CATSPERE: variants seen among roughly 807,000 people sequenced by gnomAD.
CATSPERE encodes the protein cation channel sperm-associated auxiliary subunit epsilon.
A neutral mutation model predicts 114.1 loss-of-function variants in CATSPERE; 93 were observed. The observed-to-expected ratio is 0.81, with a 90% CI of 0.69 to 0.97. The LOEUF (loss-of-function observed/expected upper bound fraction) is 0.97. CATSPERE is among the 50% of genes least tolerant of loss of function. The probability of loss-of-function intolerance (pLI) is 0.00; values close to 1 mark genes in which losing one functional copy is unlikely to be tolerated. For missense variants in CATSPERE, 1,058 were observed against 1,131.6 expected (o/e 0.93, Z 0.93); for synonymous variants, 341 against 384.1 (o/e 0.89, Z 1.31).
At chr1:244,624,835 A>G (rs1474301079) in intron 20 of CATSPERE, among the ~76,000 whole-genome samples, 1 of 151,922 alleles carries the variant, frequency 6.6e-6, no homozygotes, top group Non-Finnish European at 1.5e-5. Context: ...TTCTTTGCTC[A>G]TGTATGAGAA....
chr1:244,522,710 T>C (rs1677800061), intron 8 of CATSPERE, among the ~76,000 whole-genome samples: 2 of 152,148 alleles, frequency 1.3e-5, no homozygotes, highest in Non-Finnish European at 2.9e-5. Flanking sequence ...CAAACAACTC[T>C]ACGCAAATGA....
At chr1:244,463,599 A>G (rs1667145367) in intron 1 of CATSPERE, among the ~76,000 whole-genome samples, 1 of 151,794 alleles carries the variant, frequency 6.6e-6, no homozygotes, top group Non-Finnish European at 1.5e-5. Flanking sequence ...TTAACTCTTT[A>G]TAAGTGAAGG....
At chr1:244,469,023 A>G (rs1380474091) in intron 2 of CATSPERE, among the ~76,000 whole-genome samples, 1 of 152,184 alleles carries the variant, frequency 6.6e-6, no homozygotes. Context: ...CTCTGTGTAA[A>G]TTGAAACAGT....
chr1:244,532,128 T>A (rs538086155), intron 8 of CATSPERE, among the ~76,000 whole-genome samples: 1 of 152,174 alleles, frequency 6.6e-6, no homozygotes, highest in South Asian at 2.1e-4. Context: ...TTGCTCATAG[T>A]AGCCTCTAAT....
intron 8 of CATSPERE, among the ~76,000 whole-genome samples, chr1:244,526,095 G>C (rs1344082463): frequency 6.6e-6 from 1 of 152,156 alleles, no homozygotes; most frequent in African/African-American, 2.4e-5. Flanking sequence ...GTAGCAAAGA[G>C]GACCTTTTCC....
intron 9 of CATSPERE, among the ~76,000 whole-genome samples, chr1:244,554,458 C>T (rs756024152): frequency 3.3e-5 from 5 of 152,004 alleles, no homozygotes; most frequent in Non-Finnish European, 5.9e-5. Flanking sequence ...TGAGCCTAGG[C>T]GTTAGAGACC....
At chr1:244,451,624 C>G (rs772447439), upstream of CATSPERE, 1 of 1,604,316 alleles carries the variant, frequency 6.2e-7, no homozygotes, top group Non-Finnish European at 8.5e-7. This position sits in a 1 kb window ranked among gnomAD's most constrained non-coding sequence, Gnocchi z 6.6. Flanking sequence ...TGAGAGGCCC[C>G]GTCGCCTCAC....
chr1:244,531,653 C>T (rs547298722), intron 8 of CATSPERE, among the ~76,000 whole-genome samples: 2 of 152,234 alleles, frequency 1.3e-5, no homozygotes, highest in East Asian at 3.9e-4. Flanking sequence ...ATATGTTGAA[C>T]CATCCTTGCA....
chr1:244,539,184 G>C lies in CATSPERE; in HGVS notation c.537-13138G>C, dbSNP rs142934860. On this transcript the variant is annotated intron_variant, in intron 8 of 21. Transcript: ENST00000366534. ...TTTATTGAGAGTTTTTAGCATGAAG[G>C]GTTGTTGAATTTTGTCAAAGGCCTT... Among the ~76,000 whole-genome samples, 570 of 151,858 alleles carry C rather than the reference G, an allele frequency of 3.8e-3. 3 individuals are homozygous for C. The highest frequency in any genetic ancestry group is 0.013 in the African/African-American group (527 of 41,428).
At chr1:244,583,152 A>T (rs1558539552) in intron 12 of CATSPERE, among the ~76,000 whole-genome samples, 1 of 152,114 alleles carries the variant, frequency 6.6e-6, no homozygotes, top group Non-Finnish European at 1.5e-5. Flanking sequence ...ACTAAGATTT[A>T]CATTGCTATA....
intron 17 of CATSPERE, among the ~76,000 whole-genome samples, chr1:244,596,048 C>G (rs565679341): frequency 6.4e-4 from 97 of 152,284 alleles, no homozygotes; most frequent in African/African-American, 2.2e-3. Flanking sequence ...TATTGGTAGT[C>G]CTGGTGAGGT....
chr1:244,470,250 C>T (rs1180318920), intron 2 of CATSPERE, among the ~76,000 whole-genome samples: 1 of 152,182 alleles, frequency 6.6e-6, no homozygotes, highest in Admixed American at 6.5e-5. Context: ...AGACAATTCA[C>T]AGGATGGGAG....
chr1:244,458,541 A>G (rs1666364876), upstream of CATSPERE, among the ~76,000 whole-genome samples: 1 of 152,208 alleles, frequency 6.6e-6, no homozygotes, highest in African/African-American at 2.4e-5. Flanking sequence ...AAAAAAAACA[A>G]ACTTCTAGGA....
intron 13 of CATSPERE, among the ~76,000 whole-genome samples, chr1:244,587,351 T>C (rs779981216): frequency 6.6e-6 from 1 of 152,262 alleles, no homozygotes; most frequent in African/African-American, 2.4e-5. Context: ...TGCATCAGAT[T>C]CTAATGGGAT....
intron 9 of CATSPERE, among the ~76,000 whole-genome samples, chr1:244,553,614 C>T (rs1395629615): frequency 8.3e-5 from 11 of 132,680 alleles, no homozygotes; most frequent in African/African-American, 3.8e-4. Flanking sequence ...CACACACACA[C>T]ACACACACAC....
chr1:244,489,345 A>T (rs890676168), intron 5 of CATSPERE, among the ~76,000 whole-genome samples: 2 of 151,986 alleles, frequency 1.3e-5, no homozygotes, highest in African/African-American at 4.8e-5. Flanking sequence ...TATAACATGT[A>T]AAGACTGTAG....
At chr1:244,451,567 C>A, upstream of CATSPERE, 1 of 1,498,118 alleles carries the variant, frequency 6.7e-7, no homozygotes, top group East Asian at 2.4e-5. This position sits in a 1 kb window ranked among gnomAD's most constrained non-coding sequence, Gnocchi z 6.6. Flanking sequence ...TCCGAGTTCC[C>A]GGGCACCAGG....
intron 11 of CATSPERE, among the ~76,000 whole-genome samples, chr1:244,574,758 A>G (rs1056300164): frequency 2.1e-4 from 32 of 152,272 alleles, no homozygotes; most frequent in Middle Eastern, 3.4e-3. Flanking sequence ...CAGCTCTTGG[A>G]AGTGTCTGAC....
upstream of CATSPERE, among the ~76,000 whole-genome samples, chr1:244,452,606 G>A (rs1558287283): frequency 6.6e-6 from 1 of 152,172 alleles, no homozygotes; most frequent in Non-Finnish European, 1.5e-5. Flanking sequence ...GAGGAGGAGT[G>A]GATTACCTAT....
Sources: gnomAD v4.1 joint callset for allele counts (sites outside exome capture counted in the v4.1 genomes callset) on GRCh38, gnomAD v4.1.1 for gene constraint, Gnocchi (gnomAD v3.1) non-coding constraint, MANE v1.5 for transcripts, NCBI Gene and HGNC (gene_info 2026-07-23, HGNC 2026-07-21) for gene names.